SCN8A: variants seen among roughly 807,000 people sequenced by gnomAD.
SCN8A encodes sodium voltage-gated channel alpha subunit 8.
SCN8A carries 30 observed loss-of-function variants against 184.1 expected under a neutral mutation model. The ratio of observed to expected loss-of-function variants is 0.16; its 90% CI spans 0.12 to 0.22. The LOEUF is 0.22. Among genes scored for constraint, SCN8A ranks in the 10% least tolerant of loss-of-function variants. The pLI, the probability that SCN8A is intolerant of heterozygous loss-of-function variation, is 1.00. For synonymous variants in SCN8A, 852 were observed against 907.0 expected (o/e 0.94, Z 1.09); for missense variants, 1,057 against 2,498.9 (o/e 0.42, Z 12.30).
intron 11 of SCN8A, among the ~76,000 whole-genome samples, chr12:51,720,259 T>C (rs1034993007): frequency 2.0e-5 from 3 of 149,654 alleles, no homozygotes; most frequent in African/African-American, 7.4e-5. Flanking sequence ...ATGGGGTGGA[T>C]GGAATACTAT....
At chr12:51,605,691 A>G (rs1939575218) in intron 1 of SCN8A, among the ~76,000 whole-genome samples, 1 of 152,192 alleles carries the variant, frequency 6.6e-6, no homozygotes, top group Non-Finnish European at 1.5e-5. Context: ...TAGCAGCTGT[A>G]CTAGTTTACG....
intron 2 of SCN8A, among the ~76,000 whole-genome samples, chr12:51,673,964 A>G (rs1214222572): frequency 6.6e-6 from 1 of 152,198 alleles, no homozygotes; most frequent in Non-Finnish European, 1.5e-5. Context: ...TTAAAAAAAA[A>G]TTCACCTGTC....
intron 22 of SCN8A, among the ~76,000 whole-genome samples, chr12:51,787,686 T>C (rs1019396890): frequency 2.0e-5 from 3 of 152,246 alleles, no homozygotes; most frequent in Non-Finnish European, 4.4e-5. Flanking sequence ...AGTATTTTTG[T>C]TACTATATTT....
Position 51,768,939 on chromosome 12 carries a change from G to A in SCN8A, c.2976G>A (p.Gly992=). 1 of 1,606,828 alleles carries A rather than the reference G, an allele frequency of 6.2e-7. No homozygotes were observed. The highest frequency in any genetic ancestry group is 8.5e-7 in the Non-Finnish European group (1 of 1,173,950). ...ACCTGGCTGCCACAGATGACGATGG[G>A]GAAATGAACAACCTCCAGATCTCAG... The part of the protein sequence containing the change: ...ADNLAATDDD[G]EMNNLQISVI... Residue 992 remains glycine, a synonymous_variant, in exon 17 of 27, where the codon GGG becomes GGA. Transcript: ENST00000627620.
intron 22 of SCN8A, 186 bp from the exon 23 acceptor site, chr12:51,788,509 A>G (rs537383890): frequency 1.5e-5 from 6 of 394,332 alleles, no homozygotes; most frequent in East Asian, 7.6e-5. Context: ...CTTTGTTGTT[A>G]TTTTCAGGAA....
At chr12:51,788,975 C>T (rs924979954) in intron 23 of SCN8A, among the ~76,000 whole-genome samples, 10 of 152,152 alleles carry the variant, frequency 6.6e-5, no homozygotes, top group African/African-American at 2.2e-4. Context: ...TGATTTTTTA[C>T]GTGGCCCCAG....
intron 11 of SCN8A, chr12:51,712,823 C>T: frequency 7.4e-6 from 9 of 1,215,392 alleles, no homozygotes; most frequent in Middle Eastern, 1.9e-4. Context: ...CCATCACCTC[C>T]TCCATAACTA....
intron 14 of SCN8A, among the ~76,000 whole-genome samples, chr12:51,757,523 C>G (rs997858536): frequency 2.0e-5 from 3 of 152,144 alleles, no homozygotes; most frequent in Non-Finnish European, 4.4e-5. Context: ...TGTGACTTCT[C>G]CCCAGACCCC....
chr12:51,771,553 G>A (rs1307524273), intron 19 of SCN8A, among the ~76,000 whole-genome samples: 1 of 152,200 alleles, frequency 6.6e-6, no homozygotes, highest in Non-Finnish European at 1.5e-5. Flanking sequence ...AGAGGCAGCA[G>A]TGTGTATTAA....
rs975610108 is a variant in SCN8A, at chr12:51,699,274, A to G, written c.707-296A>G. Among the ~76,000 whole-genome samples the G allele has an allele frequency of 2.0e-5, 3 of 152,258 alleles. No individual in the cohort carries two copies. The South Asian group carries it at 6.2e-4, about 31-fold the overall frequency. Reference sequence around the variant, plus strand: ...CCTATGGCAAGTAAGAGCTGGGCTCATATGGGGAACCAAAAAGTAGTCAGA... The same window carrying G: ...CCTATGGCAAGTAAGAGCTGGGCTCGTATGGGGAACCAAAAAGTAGTCAGA... On this transcript the variant is annotated intron_variant, in intron 6 of 26. Coordinates refer to ENST00000627620, the MANE Select transcript of SCN8A (RefSeq NM_001330260.2).
At position 51,780,564 on chromosome 12, in the gene SCN8A, TC is replaced by T. The variant is rs370021719; in HGVS notation, c.3820-84del. On this transcript the variant is annotated intron_variant, in intron 20 of 26. Coordinates refer to ENST00000627620, the MANE Select transcript of SCN8A (RefSeq NM_001330260.2). Reference sequence around the variant, plus strand: ...AACACTCTGGAACCTCTGTTTTCTTTCTTTTTTTTTTTTTTTTTTTTTTTTT... The same window carrying T: ...AACACTCTGGAACCTCTGTTTTCTTTTTTTTTTTTTTTTTTTTTTTTTTTT... 22 of 619,526 alleles carry T rather than the reference TC, an allele frequency of 3.6e-5. 1 individual carries two copies. In the African/African-American group the frequency reaches 3.7e-4, roughly 10 times the overall value. 38.4% of individuals were successfully genotyped at this position (619,526 alleles called of 1,614,324 possible). A position where few individuals can be genotyped will look rare whatever the true frequency, so the allele number is the denominator to read the frequency against.
chr12:51,598,907 A>G (rs1939405627), intron 1 of SCN8A, among the ~76,000 whole-genome samples: 1 of 152,162 alleles, frequency 6.6e-6, no homozygotes, highest in Admixed American at 6.6e-5. Context: ...CCTTTTCCTT[A>G]AGAAATACAT....
In SCN8A at chr12:51,705,410, T is replaced by C. The variant is rs1223370295; in HGVS notation, c.1135-7T>C. 1 of 1,613,706 alleles carries C rather than the reference T, an allele frequency of 6.2e-7. No individual in the cohort carries two copies. Reference sequence around the variant, plus strand: ...AGTGACTCAGAAAATGGCCTTTGTCTTTGCAGACTTTACGAGCAGCCGGGA... The same window carrying C: ...AGTGACTCAGAAAATGGCCTTTGTCCTTGCAGACTTTACGAGCAGCCGGGA... On this transcript the variant is annotated splice_polypyrimidine_tract_variant and splice_region_variant and intron_variant, in intron 9 of 26. Transcript: ENST00000627620.
intron 26 of SCN8A, among the ~76,000 whole-genome samples, chr12:51,803,947 G>T (rs557631979): frequency 9.2e-5 from 14 of 152,320 alleles, no homozygotes; most frequent in Admixed American, 7.8e-4. Flanking sequence ...GCCTTCTGCA[G>T]TTAACTGCCC....
chr12:51,790,240 T>A (rs1356942969), intron 24 of SCN8A, among the ~76,000 whole-genome samples, 158 bp from the exon 25 acceptor site: 1 of 152,226 alleles, frequency 6.6e-6, no homozygotes, highest in Non-Finnish European at 1.5e-5. Context: ...TCTTTAGAGC[T>A]GAATGATTAT....
intron 1 of SCN8A, 28 bp from the exon 2 acceptor site, chr12:51,662,736 A>G (rs929138066): frequency 2.9e-6 from 4 of 1,388,114 alleles, no homozygotes; most frequent in African/African-American, 1.4e-5. Context: ...TGATTGATTA[A>G]TGCTGTCTGT....
chr12:51,764,622 G>GAGATCTTA (rs1318599590), intron 15 of SCN8A, among the ~76,000 whole-genome samples: 1 of 152,004 alleles, frequency 6.6e-6, no homozygotes, highest in Non-Finnish European at 1.5e-5. Context: ...GCGGCAGAGT[G>GAGATCTTA]AGACTCTGTC....
At chr12:51,613,161 A>T (rs1939760063) in intron 1 of SCN8A, among the ~76,000 whole-genome samples, 1 of 152,246 alleles carries the variant, frequency 6.6e-6, no homozygotes, top group African/African-American at 2.4e-5. Flanking sequence ...ATAAGTTGGG[A>T]TATGTTCCCT....
chr12:51,772,607 T>C (rs1942942733), intron 19 of SCN8A, among the ~76,000 whole-genome samples: 1 of 151,922 alleles, frequency 6.6e-6, no homozygotes, highest in African/African-American at 2.4e-5. Flanking sequence ...GCCTTTTTGA[T>C]TGAGCAAAGG....
Sources: gnomAD v4.1 joint callset for allele counts (sites outside exome capture counted in the v4.1 genomes callset) on GRCh38, gnomAD v4.1.1 for gene constraint, MANE v1.5 for transcripts, NCBI Gene and HGNC (gene_info 2026-07-23, HGNC 2026-07-21) for gene names.